The following SMAP1 variants were observed in gnomAD, a reference collection of about 807,000 sequenced individuals.
The protein encoded by SMAP1 is stromal membrane-associated protein 1.
In SMAP1, 24 loss-of-function variants were observed where a neutral mutation model predicts 58.5. That is an observed-to-expected ratio of 0.41 (90% confidence interval 0.30 to 0.58). The LOEUF (loss-of-function observed/expected upper bound fraction) is 0.58. Ranked by LOEUF, SMAP1 falls within the 20% of genes least tolerant of loss-of-function variation. SMAP1 has a pLI of 0.29. For synonymous variants in SMAP1, 216 were observed against 196.6 expected (o/e 1.10, Z -0.82); for missense variants, 563 against 566.3 (o/e 0.99, Z 0.06).
At chr6:70,756,179 C>G (rs1039068512) in intron 3 of SMAP1, among the ~76,000 whole-genome samples, 2 of 151,930 alleles carry the variant, frequency 1.3e-5, no homozygotes, top group African/African-American at 4.8e-5. Context: ...ATTGTAGGTA[C>G]GTGGATTCTG....
At chr6:70,772,237 G>A (rs1767358408) in intron 3 of SMAP1, among the ~76,000 whole-genome samples, 1 of 152,130 alleles carries the variant, frequency 6.6e-6, no homozygotes, top group Non-Finnish European at 1.5e-5. Context: ...ACATTATTCT[G>A]GGACGTGTTG....
At chr6:70,693,476 G>A (rs949876933) in intron 1 of SMAP1, among the ~76,000 whole-genome samples, 5 of 151,424 alleles carry the variant, frequency 3.3e-5, no homozygotes, top group Non-Finnish European at 7.4e-5. Flanking sequence ...GCTAATTTTT[G>A]TATTTTTAGT....
chr6:70,729,491 G>GTGTGTGTGTGTA (rs1287566747), intron 1 of SMAP1, among the ~76,000 whole-genome samples: 1 of 150,560 alleles, frequency 6.6e-6, no homozygotes, highest in African/African-American at 2.4e-5. Flanking sequence ...GTGTGTGTGT[G>GTGTGTGTGTGTA]TGTATGTGTG....
intron 10 of SMAP1, chr6:70,859,578 T>G: frequency 2.2e-6 from 1 of 450,590 alleles, no homozygotes; most frequent in Non-Finnish European, 3.9e-6. Flanking sequence ...ATATGGTAAA[T>G]CTTGCCTTTC....
intron 3 of SMAP1, among the ~76,000 whole-genome samples, chr6:70,759,454 C>T (rs1766656496): frequency 6.6e-6 from 1 of 151,854 alleles, no homozygotes. Flanking sequence ...TGGTTTCATC[C>T]TTTATGTGTT....
At chr6:70,703,299 A>T (rs1767710393) in intron 1 of SMAP1, among the ~76,000 whole-genome samples, 2 of 151,910 alleles carry the variant, frequency 1.3e-5, no homozygotes, top group Admixed American at 1.3e-4. Context: ...TTGGTCTTGA[A>T]CTGATCTCAA....
intron 6 of SMAP1, among the ~76,000 whole-genome samples, chr6:70,820,038 T>G (rs1367151060): frequency 6.6e-6 from 1 of 152,244 alleles, no homozygotes; most frequent in African/African-American, 2.4e-5. Flanking sequence ...ACCTCGGTTC[T>G]GAGCCTGACT....
At chr6:70,793,644 T>TAGAGAGAGAGAGAGAGAGAGAG (rs70990334) in intron 5 of SMAP1, among the ~76,000 whole-genome samples, 1 of 140,346 alleles carries the variant, frequency 7.1e-6, no homozygotes, top group African/African-American at 2.7e-5. Context: ...GGAGAGTAGT[T>TAGAGAGAGAGAGAGAGAGAGAG]AGAGAGAGAG....
At chr6:70,823,853 C>T (rs1202359516) in intron 6 of SMAP1, among the ~76,000 whole-genome samples, 2 of 148,642 alleles carry the variant, frequency 1.3e-5, no homozygotes, top group East Asian at 1.9e-4. Flanking sequence ...AGTTATTTTT[C>T]AGTTCCCCCT....
chr6:70,832,623 T>A (rs1770407635), intron 6 of SMAP1, among the ~76,000 whole-genome samples: 1 of 152,192 alleles, frequency 6.6e-6, no homozygotes, highest in South Asian at 2.1e-4. Context: ...TTCTGGAAGC[T>A]GAGATGTCCA....
intron 7 of SMAP1, among the ~76,000 whole-genome samples, chr6:70,852,118 C>T (rs1771207866): frequency 6.6e-6 from 1 of 152,000 alleles, no homozygotes. Context: ...TATCAAATTC[C>T]ACCTTAGCCC....
chr6:70,691,323 A>G (rs1767157019), intron 1 of SMAP1, among the ~76,000 whole-genome samples: 1 of 152,124 alleles, frequency 6.6e-6, no homozygotes, highest in Non-Finnish European at 1.5e-5. Flanking sequence ...TTATGGGTAC[A>G]TATAATAGTA....
chr6:70,797,553 T>G (rs1231270100), intron 5 of SMAP1, among the ~76,000 whole-genome samples: 1 of 152,116 alleles, frequency 6.6e-6, no homozygotes, highest in Non-Finnish European at 1.5e-5. Context: ...AAACATCATA[T>G]TTTTGCCTGT....
At chr6:70,691,644 A>C (rs895874605) in intron 1 of SMAP1, among the ~76,000 whole-genome samples, 2 of 151,786 alleles carry the variant, frequency 1.3e-5, no homozygotes, top group African/African-American at 4.8e-5. Flanking sequence ...TCATCATTCT[A>C]CTCTCTATCT....
chr6:70,673,677 A>G (rs1766359076), intron 1 of SMAP1, among the ~76,000 whole-genome samples: 4 of 152,370 alleles, frequency 2.6e-5, no homozygotes, highest in South Asian at 2.1e-4. Context: ...TAATTCACCT[A>G]AAGAAATTTG....
intron 6 of SMAP1, among the ~76,000 whole-genome samples, chr6:70,828,145 TAA>T (rs199638676): frequency 0.012 from 1,815 of 152,290 alleles, 9 homozygotes; most frequent in Non-Finnish European, 0.021. Context: ...TATAGGAATA[TAA>T]GACTGGTTTT....
At chr6:70,732,816 TC>T (rs1765480954) in intron 2 of SMAP1, among the ~76,000 whole-genome samples, 1 of 152,200 alleles carries the variant, frequency 6.6e-6, no homozygotes, top group Non-Finnish European at 1.5e-5. Context: ...TATTTTTTTT[TC>T]AGTGGAGGGA....
chr6:70,781,395 AGCTTTTTT>A (rs1461255239), intron 4 of SMAP1, among the ~76,000 whole-genome samples: 23 of 152,152 alleles, frequency 1.5e-4, no homozygotes, highest in African/African-American at 5.5e-4. Context: ...TTACGTTTTC[AGCTTTTTT>A]AATCCAAGAT....
In SMAP1 at chr6:70,861,599, C is replaced by T. The variant is rs1771730169; in HGVS notation, c.*1265C>T. 6.8e-7 allele frequency: 1 copy of T among 1,476,668 alleles called. No individual in the cohort carries two copies. The highest frequency in any genetic ancestry group is 2.3e-5 in the East Asian group (1 of 43,982). The allele number at this position is 1,476,668 out of a possible 1,614,324, so 91.5% of individuals were successfully genotyped here. On this transcript the variant is annotated 3_prime_UTR_variant, in exon 11 of 11. Transcript: ENST00000370455. ...ATACCTGAATGCTCTGTAGCCTAAA[C>T]TCCAAACATCCTCTTCCATATGGAT...
Sources: gnomAD v4.1 joint callset for allele counts (sites outside exome capture counted in the v4.1 genomes callset) on GRCh38, gnomAD v4.1.1 for gene constraint, MANE v1.5 for transcripts, NCBI Gene and HGNC (gene_info 2026-07-23, HGNC 2026-07-21) for gene names.